The following SEMA4A variants were observed in gnomAD, a reference collection of about 807,000 sequenced individuals.
SEMA4A encodes the protein semaphorin-4A.
In SEMA4A, 52 loss-of-function variants were observed where a neutral mutation model predicts 72.5. That is an observed-to-expected ratio of 0.72 (90% CI 0.57 to 0.90). The LOEUF is 0.90. SEMA4A is among the 40% of genes least tolerant of loss of function. The pLI is 0.00. For synonymous variants in SEMA4A, 369 were observed against 393.1 expected (o/e 0.94, Z 0.73); for missense variants, 926 against 959.7 (o/e 0.96, Z 0.46).
chr1:156,173,105 A>G lies in SEMA4A; in HGVS notation c.1315+99A>G, dbSNP rs1459701675. ...TTGAGTTCATTCACTTATTCATTCAACAACTGTTTACTGAGCACCTGCTAT... is the reference window on the plus strand; with the variant it reads ...TTGAGTTCATTCACTTATTCATTCAGCAACTGTTTACTGAGCACCTGCTAT... On this transcript the variant is annotated intron_variant, in intron 11 of 14. Transcript: ENST00000368285. 2.5e-6 allele frequency: 3 copies of G among 1,211,580 alleles called. No individual in the cohort carries two copies. In the African/African-American group the frequency reaches 4.5e-5, roughly 18 times the overall value. 75.1% of individuals were successfully genotyped at this position (1,211,580 alleles called of 1,614,324 possible).
At chr1:156,168,346 T>C (rs7368323) in intron 10 of SEMA4A, among the ~76,000 whole-genome samples, 65,590 of 151,848 alleles carry the variant, frequency 0.43, 14,616 homozygotes, top group African/African-American at 0.55. Context: ...CTCAGCCTCC[T>C]GAGTAGCTGG....
intron 10 of SEMA4A, among the ~76,000 whole-genome samples, chr1:156,170,946 C>CA (rs1307517902): frequency 6.6e-6 from 1 of 151,004 alleles, no homozygotes; most frequent in Admixed American, 6.6e-5. Flanking sequence ...AAAAAAAACC[C>CA]TTTGACCTAT....
At position 156,160,642 on chromosome 1, in the gene SEMA4A, C is replaced by T; in HGVS notation, c.685+83C>T. 4.8e-6 allele frequency: 6 copies of T among 1,253,180 alleles called. No individual in the cohort carries two copies. In the South Asian group the frequency reaches 7.3e-5, roughly 15 times the overall value. 77.6% of individuals were successfully genotyped at this position (1,253,180 alleles called of 1,614,324 possible). On this transcript the variant is annotated intron_variant, in intron 7 of 14. Coordinates refer to ENST00000368285, the MANE Select transcript of SEMA4A (RefSeq NM_022367.4). ...ACTCAACTTTCATTTGCGGAAGGTA[C>T]AATGTGTCCATTACTGTTAGGCGCA...
upstream of SEMA4A, among the ~76,000 whole-genome samples, chr1:156,148,923 C>T (rs1652318391): frequency 6.6e-6 from 1 of 151,798 alleles, no homozygotes; most frequent in South Asian, 2.1e-4. Flanking sequence ...CTGCCTCAGC[C>T]TCCCGAGTAG....
At chr1:156,168,002 C>A (rs1654336951) in intron 10 of SEMA4A, among the ~76,000 whole-genome samples, 1 of 152,112 alleles carries the variant, frequency 6.6e-6, no homozygotes, top group African/African-American at 2.4e-5. Flanking sequence ...CTCACTGCAA[C>A]CTCCACCTCT....
Position 156,161,042 on chromosome 1 carries a change from G to A in SEMA4A, c.810+13G>A, listed in dbSNP as rs1345667374. 5 of 1,459,362 alleles carry A rather than the reference G, an allele frequency of 3.4e-6. No individual in the cohort carries two copies. The highest frequency in any genetic ancestry group is 4.8e-6 in the Non-Finnish European group (5 of 1,046,040). The allele number at this position is 1,459,362 out of a possible 1,614,324, so 90.4% of individuals were successfully genotyped here. ...TAGAGTCTGCAAGGTCCGCGGCCTG[G>A]GCGGGGGGCGGGGCTAACTGGAGGA... On this transcript the variant is annotated intron_variant, in intron 8 of 14. Coordinates refer to ENST00000368285, the MANE Select transcript of SEMA4A (RefSeq NM_022367.4).
At chr1:156,160,629 T>C (rs982607805) in intron 7 of SEMA4A, 70 bp downstream of exon 7, 1 of 1,372,854 alleles carries the variant, frequency 7.3e-7, no homozygotes, top group African/African-American at 1.4e-5. Flanking sequence ...TCAACTTTCA[T>C]TTGCGGAAGG....
chr1:156,161,024 T>C lies in SEMA4A; in HGVS notation c.805T>C (p.Cys269Arg). The C allele has an allele frequency of 6.8e-7, 1 of 1,479,666 alleles. No homozygotes were observed. Among genetic ancestry groups the C allele is most frequent in the East Asian group, 3.0e-5 (1 of 33,112 alleles). The allele number at this position is 1,479,666 out of a possible 1,614,324, so 91.7% of individuals were successfully genotyped here. The change falls in exon 8 of 15, where the codon TGC becomes CGC. Residue 269 changes from cysteine to arginine, a missense_variant. By Grantham distance (180) the Cys-to-Arg change is radical (BLOSUM62 -3). Transcript: ENST00000368285. ...RLHTSRVARV[C>R]KNDVGGEKLL... ...CCACACATCGCGGGTGGCTAGAGTCTGCAAGGTCCGCGGCCTGGGCGGGGG... is the reference window on the plus strand; with the variant it reads ...CCACACATCGCGGGTGGCTAGAGTCCGCAAGGTCCGCGGCCTGGGCGGGGG...
upstream of SEMA4A, among the ~76,000 whole-genome samples, chr1:156,148,806 T>C (rs528135955): frequency 1.6e-3 from 233 of 148,634 alleles, no homozygotes; most frequent in African/African-American, 5.3e-3. Flanking sequence ...TTTTTCTTTT[T>C]TTTTTTTTTT....
intron 2 of SEMA4A, 22 bp from the exon 3 acceptor site, chr1:156,156,392 C>G (rs1398015418): frequency 1.2e-6 from 2 of 1,613,362 alleles, no homozygotes; most frequent in South Asian, 2.2e-5. Context: ...TCATCACTCT[C>G]TCTGTCTTAC....
chr1:156,173,587 G>C (rs1199655533), intron 11 of SEMA4A, among the ~76,000 whole-genome samples: 1 of 152,070 alleles, frequency 6.6e-6, no homozygotes, highest in South Asian at 2.1e-4. Flanking sequence ...GACACATGTC[G>C]AGCTGGGCAG....
chr1:156,157,570 A>G lies in SEMA4A; in HGVS notation c.301-500A>G, dbSNP rs1558147528. On this transcript the variant is annotated intron_variant, in intron 3 of 14. Coordinates refer to ENST00000368285, the MANE Select transcript of SEMA4A (RefSeq NM_022367.4). This position sits in a 1 kb window ranked among gnomAD's most constrained non-coding sequence, Gnocchi z 4.5. ...GAAGGCACTAGCAATATTAGCAATC[A>G]CCTCCATGGTTCATGTATCCTGATG... Among the ~76,000 whole-genome samples, 2 of 152,066 alleles carry G rather than the reference A, an allele frequency of 1.3e-5. No individual in the cohort carries two copies. The highest frequency in any genetic ancestry group is 2.9e-5 in the Non-Finnish European group (2 of 68,018).
intron 11 of SEMA4A, among the ~76,000 whole-genome samples, chr1:156,173,717 G>A (rs1180280747): frequency 2.0e-5 from 3 of 152,114 alleles, no homozygotes; most frequent in Admixed American, 6.6e-5. Context: ...TTATTTGAAG[G>A]CTTTTGTGTT....
chr1:156,172,777 G>C, intron 10 of SEMA4A, 49 bp from the exon 11 acceptor site: 1 of 1,546,306 alleles, frequency 6.5e-7, no homozygotes, highest in Non-Finnish European at 8.9e-7. Context: ...GGGAGGGTGA[G>C]CTGAGGGGAA....
rs1654930041 is a variant in SEMA4A, at chr1:156,172,839, C to T, written c.1148C>T (p.Pro383Leu). The change falls in exon 11 of 15, where the codon CCC (proline) becomes CTC (leucine). Residue 383 changes from proline (P) to leucine (L), a missense_variant. Transcript: ENST00000368285. ...CTCCTCCTTTAGTGCTCAGTGGGCC[C>T]CTCCTCTGATAAGGCCCTGACCTTC... ...NPRPGSCSVGPSSDKALTFMK... is the reference protein window; with the variant it reads ...NPRPGSCSVGLSSDKALTFMK... 1 of 1,614,146 alleles carries T rather than the reference C, an allele frequency of 6.2e-7. No individual in the cohort carries two copies. Among genetic ancestry groups the T allele is most frequent in the Non-Finnish European group, 8.5e-7 (1 of 1,180,012 alleles).
At chr1:156,174,084 C>G (rs1296873814) in intron 11 of SEMA4A, among the ~76,000 whole-genome samples, 2 of 151,892 alleles carry the variant, frequency 1.3e-5, no homozygotes, top group East Asian at 3.9e-4. Context: ...GCCCTCCAGC[C>G]TGGGTGACAA....
At chr1:156,169,438 C>T (rs11590777) in intron 10 of SEMA4A, among the ~76,000 whole-genome samples, 21,813 of 101,462 alleles carry the variant, frequency 0.21, 2,348 homozygotes, top group Middle Eastern at 0.31. Flanking sequence ...TTTTTTGAGA[C>T]GGAGTCTTGC....
At chr1:156,154,413 G>A in intron 1 of SEMA4A, 137 bp from the exon 2 acceptor site, 1 of 748,118 alleles carries the variant, frequency 1.3e-6, no homozygotes, top group Non-Finnish European at 2.2e-6. Flanking sequence ...TTCCAGATAG[G>A]GAACCTTCTC....
At chr1:156,160,595 G>C in intron 7 of SEMA4A, 36 bp downstream of exon 7, 1 of 1,555,152 alleles carries the variant, frequency 6.4e-7, no homozygotes, top group Non-Finnish European at 8.9e-7. Flanking sequence ...CCTTTCCTGA[G>C]TCCTGGTGAC....
Sources: allele counts gnomAD v4.1 joint callset (sites outside exome capture counted in the v4.1 genomes callset), GRCh38; gene constraint gnomAD v4.1.1; non-coding constraint Gnocchi (gnomAD v3.1); transcripts MANE v1.5; gene names NCBI Gene and HGNC (gene_info 2026-07-23, HGNC 2026-07-21).